The following NXPE1 variants were observed in gnomAD, a reference collection of about 807,000 sequenced individuals.
NXPE1 encodes neurexophilin and PC-esterase domain family member 1.
NXPE1 carries 31 observed loss-of-function variants against 33.3 expected under a neutral mutation model. The ratio of observed to expected loss-of-function variants is 0.93; its 90% CI spans 0.70 to 1.26. The LOEUF (loss-of-function observed/expected upper bound fraction) is 1.26. Ranked by LOEUF, NXPE1 falls within the 50% of genes most tolerant of loss-of-function variation. The pLI, the probability that NXPE1 is intolerant of heterozygous loss-of-function variation, is 0.00. For synonymous variants in NXPE1, 229 were observed against 231.4 expected (o/e 0.99, Z 0.09); for missense variants, 661 against 655.6 (o/e 1.01, Z -0.09).
intron 1 of NXPE1, among the ~76,000 whole-genome samples, chr11:114,557,292 C>T (rs977495172): frequency 2.6e-5 from 4 of 152,138 alleles, no homozygotes; most frequent in Middle Eastern, 3.4e-3. Context: ...AATTTCTACT[C>T]TATTTTGGAA....
Position 114,557,653 on chromosome 11 carries a change from AT to A in NXPE1, c.-211+2144del, listed in dbSNP as rs1948686443. On this transcript the variant is annotated intron_variant, in intron 1 of 8. Coordinates refer to ENST00000534921, the Ensembl canonical transcript of NXPE1. ...ATAATACATATATATATATATATATATATATATATATATATATATAAAATCC... is the reference window on the plus strand; with the variant it reads ...ATAATACATATATATATATATATATAATATATATATATATATATAAAATCC... Among the ~76,000 whole-genome samples, 9 of 62,076 alleles carry A rather than the reference AT, an allele frequency of 1.4e-4. No individual in the cohort carries two copies. The South Asian group carries it at 3.6e-3, about 25-fold the overall frequency. 40.7% of individuals were successfully genotyped at this position (62,076 alleles called of 152,430 possible). A position where few individuals can be genotyped will look rare whatever the true frequency, so the allele number is the denominator to read the frequency against.
chr11:114,534,641 C>T (rs139004374), intron 5 of NXPE1, among the ~76,000 whole-genome samples: 1 of 152,124 alleles, frequency 6.6e-6, no homozygotes, highest in Non-Finnish European at 1.5e-5. Context: ...GACAAATGCA[C>T]AAGCTTCAGT....
Position 114,522,231 on chromosome 11 carries a change from T to C in NXPE1, c.1381A>G (p.Ile461Val), listed in dbSNP as rs755031294. 6 of 1,614,028 alleles carry C rather than the reference T, an allele frequency of 3.7e-6. No individual in the cohort carries two copies. Among genetic ancestry groups the C allele is most frequent in the Admixed American group, 3.3e-5 (2 of 60,004 alleles). ...GGGCTTCTTAGGAACAGTCTTTCAATAGCCTTTTGAACACCGATGGCCCTG... is the reference window on the plus strand; with the variant it reads ...GGGCTTCTTAGGAACAGTCTTTCAACAGCCTTTTGAACACCGATGGCCCTG... The change falls in exon 9 of 9, where the codon ATT becomes GTT. Residue 461 changes from isoleucine to valine, a missense_variant. By Grantham distance (29) the Ile-to-Val change is conservative. Coordinates refer to ENST00000534921, the Ensembl canonical transcript of NXPE1.
chr11:114,540,627 C>T (rs1948057888), intron 5 of NXPE1, among the ~76,000 whole-genome samples: 1 of 151,874 alleles, frequency 6.6e-6, no homozygotes, highest in South Asian at 2.1e-4. Flanking sequence ...TAACTTGTGA[C>T]TCTCTTTCAG....
chr11:114,522,072 T>G, exon 9 of NXPE1: 1 of 1,614,084 alleles, frequency 6.2e-7, no homozygotes, highest in Non-Finnish European at 8.5e-7. Context: ...CAGGCATCAA[T>G]GATGCCCACG....
chr11:114,540,335 A>G (rs188000561), intron 5 of NXPE1, among the ~76,000 whole-genome samples: 58 of 152,364 alleles, frequency 3.8e-4, no homozygotes, highest in African/African-American at 1.3e-3. Context: ...ATTCTCAGAC[A>G]TCATGAACTA....
At chr11:114,528,158 AT>A (rs1947438270) in intron 6 of NXPE1, among the ~76,000 whole-genome samples, 1 of 152,108 alleles carries the variant, frequency 6.6e-6, no homozygotes. Context: ...GGAATTTTAG[AT>A]TCAAAATATT....
intron 7 of NXPE1, 89 bp from the exon 8 acceptor site, chr11:114,523,180 T>A (rs770266287): frequency 1.2e-5 from 11 of 915,620 alleles, no homozygotes; most frequent in Non-Finnish European, 1.9e-5. Flanking sequence ...TTGCTCTCTT[T>A]CCCCCTTCCT....
chr11:114,545,045 A>G (rs187140317), intron 5 of NXPE1, among the ~76,000 whole-genome samples: 1 of 151,664 alleles, frequency 6.6e-6, no homozygotes, highest in Non-Finnish European at 1.5e-5. Flanking sequence ...GCTAAAATTT[A>G]AAAAAAAACC....
chr11:114,525,375 A>T (rs1229225614), intron 7 of NXPE1, among the ~76,000 whole-genome samples: 3 of 152,044 alleles, frequency 2.0e-5, no homozygotes, highest in Admixed American at 1.3e-4. Flanking sequence ...GAAGCAGAAG[A>T]TATAAAAAGA....
chr11:114,531,229 A>C (rs972484120), intron 5 of NXPE1, among the ~76,000 whole-genome samples: 6 of 152,176 alleles, frequency 3.9e-5, no homozygotes, highest in African/African-American at 1.4e-4. Flanking sequence ...AGATATATTC[A>C]ATCCAAAATA....
intron 5 of NXPE1, among the ~76,000 whole-genome samples, chr11:114,534,296 A>G (rs1316706771): frequency 6.6e-6 from 1 of 152,196 alleles, no homozygotes; most frequent in Non-Finnish European, 1.5e-5. Flanking sequence ...CATAACCATC[A>G]TCAAAGACCA....
At chr11:114,550,207 G>T (rs7951096) in intron 5 of NXPE1, among the ~76,000 whole-genome samples, 1 of 152,006 alleles carries the variant, frequency 6.6e-6, no homozygotes, top group South Asian at 2.1e-4. Flanking sequence ...GGTCAGACAG[G>T]CCAGTTAGAA....
Position 114,528,803 on chromosome 11 carries a change from C to T in NXPE1, c.834-902G>A, listed in dbSNP as rs1290261825. ...AACAGATATAAGTGGTACCTGATTT[C>T]CTGCTATAGATGTCTCTCCAGGTGC... On this transcript the variant is annotated intron_variant, in intron 6 of 8. Transcript: ENST00000534921. 8.9e-6 allele frequency: 6 copies of T among 676,618 alleles called. No individual in the cohort carries two copies. In the Admixed American group the frequency reaches 1.2e-4, roughly 14 times the overall value. The allele number at this position is 676,618 out of a possible 1,614,324, so 41.9% of individuals were successfully genotyped here.
At chr11:114,530,115 AGCTCTGACTGGG>A in intron 6 of NXPE1, 48 bp downstream of exon 6, 1 of 1,499,122 alleles carries the variant, frequency 6.7e-7, no homozygotes, top group Non-Finnish European at 9.0e-7. Flanking sequence ...TGGGCAATGT[AGCTCTGACTGGG>A]GCACTTCTCA....
chr11:114,548,408 A>G (rs1404724342), intron 5 of NXPE1, among the ~76,000 whole-genome samples: 2 of 152,114 alleles, frequency 1.3e-5, no homozygotes, highest in African/African-American at 2.4e-5. Context: ...AATATTCTCT[A>G]TATCTTAGGT....
chr11:114,537,208 G>A (rs955786642), intron 5 of NXPE1, among the ~76,000 whole-genome samples: 2 of 152,028 alleles, frequency 1.3e-5, no homozygotes, highest in East Asian at 1.9e-4. Flanking sequence ...GATGCAGAAA[G>A]GGCCTTTGAC....
intron 2 of NXPE1, 78 bp downstream of exon 2, chr11:114,552,774 G>T: frequency 1.9e-6 from 1 of 526,478 alleles, no homozygotes. Context: ...GATTGCTATT[G>T]CACTTTTATA....
At chr11:114,543,673 C>T (rs187514382) in intron 5 of NXPE1, among the ~76,000 whole-genome samples, 52 of 152,094 alleles carry the variant, frequency 3.4e-4, no homozygotes, top group African/African-American at 1.2e-3. Flanking sequence ...AATATTGGAA[C>T]CAGTCAAGAA....
Sources: gnomAD v4.1 joint callset for allele counts (sites outside exome capture counted in the v4.1 genomes callset) on GRCh38, gnomAD v4.1.1 for gene constraint, MANE v1.5 for transcripts, NCBI Gene and HGNC (gene_info 2026-07-23, HGNC 2026-07-21) for gene names.